Variants in ADAMTSL3 observed in about 807,000 individuals in gnomAD.
The protein encoded by ADAMTSL3 is ADAMTS like 3.
ADAMTSL3 carries 128 observed loss-of-function variants against 201.7 expected under a neutral mutation model. That is an observed-to-expected ratio of 0.63 (90% CI 0.55 to 0.73). ADAMTSL3 has a LOEUF of 0.73. ADAMTSL3 is among the 30% of genes least tolerant of loss of function. The probability of loss-of-function intolerance (pLI) is 0.00; values close to 1 mark genes in which losing one functional copy is unlikely to be tolerated. For missense variants in ADAMTSL3, 1,990 were observed against 2,119.6 expected, an observed-to-expected ratio of 0.94 and a Z score of 1.20; for synonymous variants, 738 against 748.4, an observed-to-expected ratio of 0.99 and a Z score of 0.23.
intron 4 of ADAMTSL3, among the ~76,000 whole-genome samples, chr15:83,778,661 A>G (rs2063119191): frequency 6.6e-6 from 1 of 152,218 alleles, no homozygotes; most frequent in South Asian, 2.1e-4. Flanking sequence ...CACTACAAAA[A>G]CATACTGAAG....
At chr15:83,727,336 A>C (rs2062194734) in intron 3 of ADAMTSL3, among the ~76,000 whole-genome samples, 1 of 151,612 alleles carries the variant, frequency 6.6e-6, no homozygotes, top group African/African-American at 2.4e-5. Flanking sequence ...TTCAAAAATC[A>C]ACTTTTTGTT....
chr15:83,906,434 C>T (rs75612420), intron 15 of ADAMTSL3, among the ~76,000 whole-genome samples: 8,524 of 152,110 alleles, frequency 0.056, 399 homozygotes, highest in Admixed American at 0.14. Context: ...TTTTATACCT[C>T]AGTTTTCCTC....
chr15:83,658,329 G>A (rs994322140), intron 2 of ADAMTSL3, among the ~76,000 whole-genome samples: 10 of 152,248 alleles, frequency 6.6e-5, no homozygotes, highest in African/African-American at 2.4e-4. Context: ...GGCTGGTCTC[G>A]AACTCCTGAC....
At chr15:83,729,249 G>T (rs1346483834) in intron 3 of ADAMTSL3, among the ~76,000 whole-genome samples, 1 of 151,910 alleles carries the variant, frequency 6.6e-6, no homozygotes. Context: ...GGTTAAATCT[G>T]CTTGGTGTTC....
intron 20 of ADAMTSL3, among the ~76,000 whole-genome samples, chr15:83,972,541 C>T (rs964939744): frequency 6.6e-6 from 1 of 151,994 alleles, no homozygotes; most frequent in Admixed American, 6.5e-5. Context: ...GGAAATACAA[C>T]GTGGTTATTA....
At chr15:83,737,972 C>G (rs2062394147) in intron 3 of ADAMTSL3, among the ~76,000 whole-genome samples, 1 of 152,134 alleles carries the variant, frequency 6.6e-6, no homozygotes, top group Non-Finnish European at 1.5e-5. Flanking sequence ...TAATACTGAA[C>G]TCACCTACAC....
intron 3 of ADAMTSL3, among the ~76,000 whole-genome samples, chr15:83,749,940 C>A (rs947619874): frequency 1.3e-5 from 2 of 152,184 alleles, no homozygotes; most frequent in African/African-American, 4.8e-5. Flanking sequence ...AGATGTAACA[C>A]TTTGTGGTTC....
At chr15:83,903,602 T>G (rs907868909) in intron 15 of ADAMTSL3, among the ~76,000 whole-genome samples, 4 of 134,510 alleles carry the variant, frequency 3.0e-5, no homozygotes, top group Non-Finnish European at 6.2e-5. Context: ...CAGAAAATAC[T>G]GTTTACTTTA....
At chr15:83,920,712 TC>T (rs1254404492) in intron 16 of ADAMTSL3, among the ~76,000 whole-genome samples, 1 of 152,212 alleles carries the variant, frequency 6.6e-6, no homozygotes, top group East Asian at 1.9e-4. Flanking sequence ...GAAGCAGACC[TC>T]TTTTTTCCTC....
intron 8 of ADAMTSL3, among the ~76,000 whole-genome samples, chr15:83,859,520 A>G (rs895674462): frequency 2.0e-5 from 3 of 152,212 alleles, no homozygotes; most frequent in African/African-American, 4.8e-5. Flanking sequence ...TTCAGTTTCT[A>G]TAGGGAACCA....
At chr15:84,032,806 C>A (rs12148842) in intron 28 of ADAMTSL3, among the ~76,000 whole-genome samples, 1 of 151,934 alleles carries the variant, frequency 6.6e-6, no homozygotes, top group Non-Finnish European at 1.5e-5. Flanking sequence ...AGTAAATATC[C>A]TGGAACATAT....
chr15:83,710,617 A>C (rs2061920920), intron 3 of ADAMTSL3, among the ~76,000 whole-genome samples: 1 of 152,180 alleles, frequency 6.6e-6, no homozygotes, highest in South Asian at 2.1e-4. Context: ...TAAGGCCTTA[A>C]TGACATCATA....
At chr15:83,885,593 G>T (rs2065372402) in intron 10 of ADAMTSL3, among the ~76,000 whole-genome samples, 1 of 152,064 alleles carries the variant, frequency 6.6e-6, no homozygotes, top group African/African-American at 2.4e-5. Flanking sequence ...CAGCCTGGTT[G>T]AGTCAATGGG....
intron 21 of ADAMTSL3, among the ~76,000 whole-genome samples, chr15:83,984,730 C>T (rs576544706): frequency 6.6e-6 from 1 of 152,300 alleles, no homozygotes; most frequent in East Asian, 1.9e-4. Flanking sequence ...CTCCCCCTGC[C>T]ACCAAAATTA....
At chr15:83,706,094 A>G (rs766697165) in intron 3 of ADAMTSL3, among the ~76,000 whole-genome samples, 3 of 152,098 alleles carry the variant, frequency 2.0e-5, no homozygotes, top group Non-Finnish European at 4.4e-5. Context: ...TCTATAATTT[A>G]TAGCTCCTTT....
Position 83,872,977 on chromosome 15 carries a change from T to C in ADAMTSL3, c.960+2018T>C, listed in dbSNP as rs1282209987. On this transcript the variant is annotated intron_variant, in intron 9 of 29. Coordinates refer to ENST00000286744, the MANE Select transcript of ADAMTSL3 (RefSeq NM_207517.3). Reference sequence around the variant, plus strand: ...AGTGACTATTTTAGAGGGGATAACATTTTGTAATATCTAATTCTTAAAATA... The same window carrying C: ...AGTGACTATTTTAGAGGGGATAACACTTTGTAATATCTAATTCTTAAAATA... Among the ~76,000 whole-genome samples, 2 of 145,646 alleles carry C rather than the reference T, an allele frequency of 1.4e-5. 1 individual carries two copies. Among genetic ancestry groups the C allele is most frequent in the South Asian group, 4.2e-4 (2 of 4,706 alleles).
chr15:83,835,533 C>T (rs2064251040), intron 6 of ADAMTSL3, among the ~76,000 whole-genome samples: 3 of 152,178 alleles, frequency 2.0e-5, no homozygotes, highest in Non-Finnish European at 4.4e-5. Context: ...CCTCCTAGCT[C>T]CTAAGCCCAC....
chr15:83,664,453 T>C (rs2061220292), intron 2 of ADAMTSL3, among the ~76,000 whole-genome samples: 4 of 152,294 alleles, frequency 2.6e-5, no homozygotes, highest in Middle Eastern at 6.8e-3. Flanking sequence ...TACCTCTCAC[T>C]GCGCTCTCTT....
chr15:83,911,175 G>A (rs2065925829), intron 15 of ADAMTSL3, among the ~76,000 whole-genome samples: 2 of 152,088 alleles, frequency 1.3e-5, no homozygotes, highest in South Asian at 4.1e-4. Context: ...ACACACTCTA[G>A]TTCCTGACAC....
Sources: gnomAD v4.1 joint callset for allele counts (sites outside exome capture counted in the v4.1 genomes callset) on GRCh38, gnomAD v4.1.1 for gene constraint, MANE v1.5 for transcripts, NCBI Gene and HGNC (gene_info 2026-07-23, HGNC 2026-07-21) for gene names.